Variants in RGS6 observed in about 807,000 individuals in gnomAD.
The protein encoded by RGS6 is regulator of G protein signaling 6, also known as regulator of G-protein signaling 6.
In RGS6, 30 loss-of-function variants were observed where a neutral mutation model predicts 78.5. The observed-to-expected ratio is 0.38, with a 90% confidence interval of 0.29 to 0.52. The LOEUF is 0.52. RGS6 is among the 20% of genes least tolerant of loss of function. The probability of loss-of-function intolerance (pLI) is 0.85; values close to 1 mark genes in which losing one functional copy is unlikely to be tolerated. For missense variants in RGS6, 495 were observed against 609.7 expected (o/e 0.81, Z 1.98); for synonymous variants, 206 against 206.0 (o/e 1.00, Z 0.00).
At chr14:72,300,412 C>T (rs1162073452) in intron 2 of RGS6, among the ~76,000 whole-genome samples, 1 of 152,116 alleles carries the variant, frequency 6.6e-6, no homozygotes, top group Non-Finnish European at 1.5e-5. Context: ...GACAGGAAAC[C>T]AGTGGGAAGG....
rs193240866 is a variant in RGS6 at position 72,460,766 on chromosome 14, G to A, written c.394+1083G>A. On this transcript the variant is annotated intron_variant, in intron 6 of 17. Transcript: ENST00000553525. ...CAGAATTGTTTAAGACAAGAAGGCA[G>A]ATGCAGCTGTGGTGAGTGGGAGGGA... Among the ~76,000 whole-genome samples, 149 of 152,270 alleles carry A rather than the reference G, an allele frequency of 9.8e-4. 1 individual carries two copies. Among genetic ancestry groups the A allele is most frequent in the African/African-American group, 3.5e-3 (145 of 41,540 alleles).
intron 2 of RGS6, among the ~76,000 whole-genome samples, chr14:72,039,314 G>T (rs978603156): frequency 6.6e-6 from 1 of 152,136 alleles, no homozygotes; most frequent in African/African-American, 2.4e-5. Flanking sequence ...GACATTGTGA[G>T]GGTGAGAGTC....
chr14:72,464,910 C>T (rs1417616678), intron 6 of RGS6, among the ~76,000 whole-genome samples: 1 of 152,160 alleles, frequency 6.6e-6, no homozygotes, highest in Non-Finnish European at 1.5e-5. Context: ...TAGCCTCTGC[C>T]CTTAAAGAGA....
intron 2 of RGS6, among the ~76,000 whole-genome samples, chr14:72,302,245 C>G (rs2066230879): frequency 6.6e-6 from 1 of 152,216 alleles, no homozygotes; most frequent in South Asian, 2.1e-4. Context: ...AGAGTGGACA[C>G]CTTTTACAGG....
At chr14:72,415,391 G>A (rs948138384) in intron 3 of RGS6, among the ~76,000 whole-genome samples, 1 of 152,228 alleles carries the variant, frequency 6.6e-6, no homozygotes, top group African/African-American at 2.4e-5. Flanking sequence ...CGTTGGAAAA[G>A]GGCAGTATTA....
At chr14:72,229,631 A>G (rs746299584) in intron 2 of RGS6, among the ~76,000 whole-genome samples, 9 of 152,226 alleles carry the variant, frequency 5.9e-5, no homozygotes, top group Non-Finnish European at 1.2e-4. Context: ...ATTTGTTTCT[A>G]TAATAGTTAG....
At chr14:72,095,327 G>A (rs904685235) in intron 2 of RGS6, among the ~76,000 whole-genome samples, 1 of 152,106 alleles carries the variant, frequency 6.6e-6, no homozygotes, top group African/African-American at 2.4e-5. Flanking sequence ...TGGCAATACT[G>A]TCAGAGACCC....
At chr14:72,368,882 G>A (rs966040393) in intron 3 of RGS6, among the ~76,000 whole-genome samples, 4 of 152,112 alleles carry the variant, frequency 2.6e-5, no homozygotes, top group Admixed American at 6.5e-5. Context: ...TGTTGATAAA[G>A]GGTCTTTGAA....
At chr14:72,277,893 A>C (rs985953461) in intron 2 of RGS6, among the ~76,000 whole-genome samples, 48 of 152,166 alleles carry the variant, frequency 3.2e-4, no homozygotes, top group Admixed American at 1.3e-4. Context: ...ATGCCACTGC[A>C]CTCCAGCCTG....
the RGS6 span, among the ~76,000 whole-genome samples, chr14:72,616,766 T>G: frequency 6.6e-6 from 1 of 152,208 alleles, no homozygotes; most frequent in Non-Finnish European, 1.5e-5. Context: ...TCTATCTCAT[T>G]CTCTGGGGTT....
rs750634949 is a variant in RGS6 at position 72,562,736 on chromosome 14, G to A, written c.*269G>A. The A allele has an allele frequency of 5.1e-5, 79 of 1,536,024 alleles. No homozygotes were observed. In the Middle Eastern group the frequency reaches 1.0e-3, roughly 19 times the overall value. ...ACAGTTGTATTCCAACACTCCACTC[G>A]CTAAGAGGCCCTGATCCCAGCTCAT... On this transcript the variant is annotated 3_prime_UTR_variant, in exon 18 of 18. Transcript: ENST00000553525.
At chr14:72,351,510 T>C (rs2239229) in intron 2 of RGS6, among the ~76,000 whole-genome samples, 79,958 of 151,932 alleles carry the variant, frequency 0.53, 23,379 homozygotes, top group African/African-American at 0.8. Flanking sequence ...GCTATCCACA[T>C]ACCACCACTC....
chr14:71,885,933 A>C, the RGS6 span, among the ~76,000 whole-genome samples: 72 of 123,914 alleles, frequency 5.8e-4, no homozygotes, highest in African/African-American at 8.1e-4. Context: ...CCTCCCTCCC[A>C]CTCTCCTTCT....
intron 2 of RGS6, among the ~76,000 whole-genome samples, chr14:72,061,900 TG>T (rs2093914948): frequency 6.6e-6 from 1 of 152,234 alleles, no homozygotes; most frequent in Admixed American, 6.5e-5. Context: ...AAACATTTAT[TG>T]GGCATTTGGT....
At chr14:72,274,136 G>A (rs1291656731) in intron 2 of RGS6, among the ~76,000 whole-genome samples, 1 of 152,152 alleles carries the variant, frequency 6.6e-6, no homozygotes, top group Non-Finnish European at 1.5e-5. Context: ...CCAGTAAGGG[G>A]TACATTAGAT....
chr14:72,248,445 A>G (rs56231124), intron 2 of RGS6, among the ~76,000 whole-genome samples: 4,461 of 152,316 alleles, frequency 0.029, 196 homozygotes, highest in African/African-American at 0.1. Context: ...ATCAATTCAT[A>G]AACACATATT....
rs574371522 is a variant in RGS6 at position 72,330,203 on chromosome 14, T to G, written c.85-21892T>G. Among the ~76,000 whole-genome samples, 15 of 152,348 alleles carry G rather than the reference T, an allele frequency of 9.8e-5. No individual in the cohort carries two copies. In the East Asian group the frequency reaches 1.7e-3, roughly 18 times the overall value. ...GGTCCAGTTCTCCCCCATTTGTCAG[T>G]CTTTGTCCTTGACAATTAATGCTGT... On this transcript the variant is annotated intron_variant, in intron 2 of 17. Coordinates refer to ENST00000553525, the MANE Select transcript of RGS6 (RefSeq NM_001204424.2).
intron 2 of RGS6, among the ~76,000 whole-genome samples, chr14:72,212,988 C>CA (rs1200803486): frequency 6.6e-6 from 1 of 152,212 alleles, no homozygotes; most frequent in African/African-American, 2.4e-5. Flanking sequence ...CAAGTCTCTA[C>CA]ACCAGTTGTA....
chr14:72,519,570 A>G (rs2097002469), intron 15 of RGS6, among the ~76,000 whole-genome samples: 2 of 152,120 alleles, frequency 1.3e-5, no homozygotes, highest in Admixed American at 6.5e-5. Context: ...CAAGATGGAA[A>G]CACCTACCAA....
Sources: allele counts gnomAD v4.1 joint callset (sites outside exome capture counted in the v4.1 genomes callset), GRCh38; gene constraint gnomAD v4.1.1; transcripts MANE v1.5; gene names NCBI Gene and HGNC (gene_info 2026-07-23, HGNC 2026-07-21).